The following PLXDC2 variants were observed in gnomAD, a reference collection of about 807,000 sequenced individuals.
PLXDC2 encodes the protein plexin domain-containing protein 2.
A neutral mutation model predicts 68.9 loss-of-function variants in PLXDC2; 40 were observed. The observed-to-expected ratio is 0.58, with a 90% confidence interval of 0.45 to 0.76. The LOEUF (loss-of-function observed/expected upper bound fraction) is 0.76, where lower values mean the gene tolerates loss of function less well. Ranked by LOEUF, PLXDC2 falls within the 30% of genes least tolerant of loss-of-function variation. The probability of loss-of-function intolerance (pLI) is 0.00; values close to 1 mark genes in which losing one functional copy is unlikely to be tolerated. For missense variants in PLXDC2, 644 were observed against 661.9 expected, an observed-to-expected ratio of 0.97 and a Z score of 0.30; for synonymous variants, 243 against 234.2, an observed-to-expected ratio of 1.04 and a Z score of -0.34.
intron 4 of PLXDC2, among the ~76,000 whole-genome samples, chr10:20,121,972 G>A (rs1589639606): frequency 6.6e-6 from 1 of 152,046 alleles, no homozygotes; most frequent in South Asian, 2.1e-4. Context: ...ATGATCGGTT[G>A]CCAAGGAGGG....
At chr10:20,075,067 A>G (rs75250839) in intron 4 of PLXDC2, among the ~76,000 whole-genome samples, 2,692 of 152,298 alleles carry the variant, frequency 0.018, 40 homozygotes, top group Admixed American at 0.028. Context: ...AATCTGAATA[A>G]TTCTCTGAGA....
intron 4 of PLXDC2, among the ~76,000 whole-genome samples, chr10:20,136,150 C>T (rs1833930301): frequency 6.6e-6 from 1 of 152,156 alleles, no homozygotes; most frequent in Admixed American, 6.6e-5. Context: ...TATTAACCGT[C>T]TAGTTTGCAA....
intron 13 of PLXDC2, among the ~76,000 whole-genome samples, chr10:20,273,382 A>C (rs1835963966): frequency 6.6e-6 from 1 of 152,188 alleles, no homozygotes; most frequent in Admixed American, 6.5e-5. Flanking sequence ...TATTACTGAA[A>C]ATAATGCTGT....
chr10:19,853,657 G>GA (rs1837162081), intron 1 of PLXDC2, among the ~76,000 whole-genome samples: 1 of 149,054 alleles, frequency 6.7e-6, no homozygotes, highest in Non-Finnish European at 1.5e-5. Flanking sequence ...TTGGGTGGGG[G>GA]GGGGGTTGCA....
chr10:20,143,994 T>C (rs1834040877), intron 5 of PLXDC2, among the ~76,000 whole-genome samples: 1 of 102,088 alleles, frequency 9.8e-6, no homozygotes, highest in Non-Finnish European at 2.2e-5. Context: ...TTGGGACATA[T>C]AAAATAGAGA....
intron 1 of PLXDC2, among the ~76,000 whole-genome samples, chr10:19,916,246 A>G (rs1833364287): frequency 6.7e-6 from 1 of 150,306 alleles, no homozygotes; most frequent in Non-Finnish European, 1.5e-5. Context: ...TCCAGATTCA[A>G]GCAATTCTCC....
At chr10:20,086,163 C>A (rs1425433222) in intron 4 of PLXDC2, among the ~76,000 whole-genome samples, 1 of 151,802 alleles carries the variant, frequency 6.6e-6, no homozygotes, top group Non-Finnish European at 1.5e-5. Context: ...TTAAAGAGAG[C>A]TAGTGCTTGT....
chr10:19,991,013 G>A (rs1325341666), intron 1 of PLXDC2, among the ~76,000 whole-genome samples: 3 of 152,104 alleles, frequency 2.0e-5, no homozygotes, highest in East Asian at 1.9e-4. Flanking sequence ...TTGGGAGGCC[G>A]AGGCGGGTGG....
At chr10:19,916,205 G>A (rs949855729) in intron 1 of PLXDC2, among the ~76,000 whole-genome samples, 8 of 148,288 alleles carry the variant, frequency 5.4e-5, no homozygotes, top group Middle Eastern at 3.5e-3. Context: ...CATGGCTCAT[G>A]ACAGGATCAT....
At chr10:20,082,263 T>C (rs1318840291) in intron 4 of PLXDC2, among the ~76,000 whole-genome samples, 1 of 151,788 alleles carries the variant, frequency 6.6e-6, no homozygotes, top group Admixed American at 6.6e-5. Flanking sequence ...ATAATTCAGC[T>C]AATAATTATA....
At chr10:20,040,708 C>T (rs532621792) in intron 2 of PLXDC2, among the ~76,000 whole-genome samples, 1 of 152,164 alleles carries the variant, frequency 6.6e-6, no homozygotes, top group East Asian at 1.9e-4. Flanking sequence ...CTCACCTTTC[C>T]CAAGTTTATT....
At chr10:19,915,861 A>AG (rs1833356252) in intron 1 of PLXDC2, among the ~76,000 whole-genome samples, 5 of 127,014 alleles carry the variant, frequency 3.9e-5, no homozygotes, top group Admixed American at 3.6e-4. Context: ...AAACCAAAAA[A>AG]AAAGAAGAAG....
At chr10:20,022,064 AC>A (rs1488344583) in intron 2 of PLXDC2, among the ~76,000 whole-genome samples, 1 of 152,178 alleles carries the variant, frequency 6.6e-6, no homozygotes, top group Admixed American at 6.5e-5. Context: ...AGAATGCATC[AC>A]GGAACTGTAT....
At chr10:20,277,784 C>T (rs922306542) in intron 13 of PLXDC2, among the ~76,000 whole-genome samples, 4 of 152,168 alleles carry the variant, frequency 2.6e-5, no homozygotes, top group African/African-American at 9.7e-5. Context: ...CTAAGTCTTA[C>T]TCATTTTTCT....
rs539855301 is a variant in PLXDC2, at chr10:20,279,260, T to A, written c.1474-443T>A. On this transcript the variant is annotated intron_variant, in intron 13 of 13. Coordinates refer to ENST00000377252, the MANE Select transcript of PLXDC2 (RefSeq NM_032812.9). Reference sequence around the variant, plus strand: ...AAATACCCTTCTAGGAACAGCAGAATTTTTTGACCTTAGTTTTTGAGTGAA... The same window carrying A: ...AAATACCCTTCTAGGAACAGCAGAAATTTTTGACCTTAGTTTTTGAGTGAA... Among the ~76,000 whole-genome samples the A allele has an allele frequency of 3.9e-5, 6 of 152,326 alleles. No individual in the cohort carries two copies. In the South Asian group the frequency reaches 8.3e-4, roughly 21 times the overall value.
intron 2 of PLXDC2, among the ~76,000 whole-genome samples, chr10:20,039,634 C>A (rs770137035): frequency 6.6e-5 from 10 of 151,826 alleles, no homozygotes; most frequent in African/African-American, 2.4e-4. Flanking sequence ...TATATGTTGG[C>A]GGTTTGATTA....
At chr10:20,237,142 C>T (rs947027968) in intron 12 of PLXDC2, among the ~76,000 whole-genome samples, 4 of 152,056 alleles carry the variant, frequency 2.6e-5, no homozygotes, top group Admixed American at 6.6e-5. Flanking sequence ...ATTGGTCTCA[C>T]CATACATAAT....
chr10:19,891,242 A>G (rs1313391289), intron 1 of PLXDC2, among the ~76,000 whole-genome samples: 4 of 152,232 alleles, frequency 2.6e-5, no homozygotes, highest in African/African-American at 9.6e-5. Flanking sequence ...TCTGGATAGT[A>G]ATACCAAAAT....
intron 2 of PLXDC2, among the ~76,000 whole-genome samples, chr10:20,032,173 G>A (rs1468397909): frequency 2.0e-5 from 3 of 152,156 alleles, no homozygotes; most frequent in South Asian, 2.1e-4. Flanking sequence ...AAAAAGATCC[G>A]ATGATGAACA....
Sources: gnomAD v4.1 joint callset for allele counts (sites outside exome capture counted in the v4.1 genomes callset) on GRCh38, gnomAD v4.1.1 for gene constraint, MANE v1.5 for transcripts, NCBI Gene and HGNC (gene_info 2026-07-23, HGNC 2026-07-21) for gene names.